The following FBXL7 variants were observed in gnomAD, a reference collection of about 807,000 sequenced individuals.
The protein encoded by FBXL7 is F-box and leucine rich repeat protein 7.
A neutral mutation model predicts 38.3 loss-of-function variants in FBXL7; 12 were observed. The observed-to-expected ratio is 0.31, with a 90% CI of 0.20 to 0.51. The LOEUF is 0.51. Ranked by LOEUF, FBXL7 falls within the 20% of genes least tolerant of loss-of-function variation. FBXL7 has a pLI of 0.98. For missense variants in FBXL7, 567 were observed against 676.4 expected (o/e 0.84, Z 1.79); for synonymous variants, 297 against 300.9 (o/e 0.99, Z 0.13).
intron 2 of FBXL7, among the ~76,000 whole-genome samples, chr5:15,885,139 C>G (rs540848041): frequency 6.6e-6 from 1 of 152,158 alleles, no homozygotes; most frequent in Non-Finnish European, 1.5e-5. Context: ...TCCACCTGAC[C>G]TCACTCACGC....
intron 2 of FBXL7, among the ~76,000 whole-genome samples, chr5:15,693,915 A>G (rs190768261): frequency 2.8e-4 from 43 of 152,270 alleles, no homozygotes; most frequent in African/African-American, 9.1e-4. Context: ...TCATTCTCCA[A>G]GCCCACGTGT....
intron 2 of FBXL7, among the ~76,000 whole-genome samples, chr5:15,768,172 A>AT (rs1205169067): frequency 6.6e-6 from 1 of 152,190 alleles, no homozygotes; most frequent in Non-Finnish European, 1.5e-5. Flanking sequence ...ATGTGTTTGG[A>AT]TACCCTACTA....
chr5:15,624,173 C>T (rs376378732), intron 2 of FBXL7, among the ~76,000 whole-genome samples: 5 of 152,128 alleles, frequency 3.3e-5, no homozygotes, highest in South Asian at 4.2e-4. Flanking sequence ...ACTTTAAATC[C>T]TTAGTTATTG....
At chr5:15,622,746 C>A (rs1470024424) in intron 2 of FBXL7, among the ~76,000 whole-genome samples, 1 of 152,148 alleles carries the variant, frequency 6.6e-6, no homozygotes. Flanking sequence ...ACTCTGTCAT[C>A]CAGGCTGAGG....
chr5:15,556,017 C>CTATCT (rs70938017), intron 1 of FBXL7, among the ~76,000 whole-genome samples: 2 of 136,420 alleles, frequency 1.5e-5, no homozygotes, highest in Admixed American at 7.5e-5. Flanking sequence ...ATCTATCTAT[C>CTATCT]ATCTATCAGT....
intron 1 of FBXL7, among the ~76,000 whole-genome samples, chr5:15,568,618 CT>C (rs1738666858): frequency 1.3e-5 from 2 of 151,592 alleles, no homozygotes; most frequent in Middle Eastern, 3.4e-3. Context: ...TCAATTTTGG[CT>C]TTTGTTGCCA....
chr5:15,523,203 G>C (rs939077320), intron 1 of FBXL7, among the ~76,000 whole-genome samples: 2 of 152,138 alleles, frequency 1.3e-5, no homozygotes, highest in African/African-American at 4.8e-5. Context: ...GAGTTTATTA[G>C]AGTAAAACAG....
chr5:15,797,472 A>G (rs187843837), intron 2 of FBXL7, among the ~76,000 whole-genome samples: 1 of 152,328 alleles, frequency 6.6e-6, no homozygotes, highest in African/African-American at 2.4e-5. Context: ...CCAGTTAGCA[A>G]TAGGATCTCC....
chr5:15,853,911 C>T (rs1739176418), intron 2 of FBXL7, among the ~76,000 whole-genome samples: 1 of 152,182 alleles, frequency 6.6e-6, no homozygotes, highest in African/African-American at 2.4e-5. Context: ...AATTGGCTAT[C>T]TTCTTGAATG....
chr5:15,652,085 A>G (rs1453499424), intron 2 of FBXL7, among the ~76,000 whole-genome samples: 3 of 152,092 alleles, frequency 2.0e-5, no homozygotes, highest in African/African-American at 2.4e-5. Flanking sequence ...ACTTCTCTCA[A>G]TCTTCATAGA....
At chr5:15,521,015 G>A (rs537339228) in intron 1 of FBXL7, among the ~76,000 whole-genome samples, 15 of 152,264 alleles carry the variant, frequency 9.9e-5, no homozygotes, top group South Asian at 2.1e-4. Flanking sequence ...GCAAAATCCC[G>A]TATGAGTTAC....
rs1234969186 is a variant in FBXL7, at chr5:15,554,953, A to T, written c.37+54240A>T. On this transcript the variant is annotated intron_variant, in intron 1 of 3. Coordinates refer to ENST00000504595, the MANE Select transcript of FBXL7 (RefSeq NM_012304.5). ...GAGAAAAAGTCAGAGTCACGCTGTG[A>T]AATATGTAAGTCCTTGGTGAAAATG... Among the ~76,000 whole-genome samples, 3 of 152,244 alleles carry T rather than the reference A, an allele frequency of 2.0e-5. No individual in the cohort carries two copies. The South Asian group carries it at 6.2e-4, about 32-fold the overall frequency.
intron 2 of FBXL7, among the ~76,000 whole-genome samples, chr5:15,743,692 G>T (rs148822239): frequency 6.6e-6 from 1 of 152,230 alleles, no homozygotes; most frequent in African/African-American, 2.4e-5. Context: ...CATTTTGTTG[G>T]TGGTCCAATC....
intron 1 of FBXL7, among the ~76,000 whole-genome samples, chr5:15,541,473 A>ATG: frequency 7.8e-6 from 1 of 128,346 alleles, no homozygotes; most frequent in Non-Finnish European, 1.7e-5. Flanking sequence ...ATATATATAT[A>ATG]TATATATAAA....
chr5:15,612,560 A>G (rs1402153832), intron 1 of FBXL7, among the ~76,000 whole-genome samples: 2 of 152,152 alleles, frequency 1.3e-5, no homozygotes, highest in Non-Finnish European at 2.9e-5. Flanking sequence ...GATAATCTTA[A>G]AAATAATGAA....
chr5:15,506,936 C>T (rs539239572), intron 1 of FBXL7, among the ~76,000 whole-genome samples: 4 of 150,144 alleles, frequency 2.7e-5, no homozygotes, highest in African/African-American at 4.9e-5. Flanking sequence ...TAACATTATC[C>T]GTCTTCTGTA....
intron 2 of FBXL7, among the ~76,000 whole-genome samples, chr5:15,700,938 T>C (rs1421708618): frequency 5.3e-5 from 8 of 152,174 alleles, no homozygotes; most frequent in Admixed American, 5.2e-4. Context: ...GTCGGGTACA[T>C]AAAATATTTT....
chr5:15,726,306 T>C (rs1049709748), intron 2 of FBXL7, among the ~76,000 whole-genome samples: 5 of 152,274 alleles, frequency 3.3e-5, no homozygotes, highest in Admixed American at 2.0e-4. Context: ...TTGTCCCAGC[T>C]ACTCAAGAGG....
At chr5:15,764,885 A>G (rs1736546122) in intron 2 of FBXL7, among the ~76,000 whole-genome samples, 1 of 152,256 alleles carries the variant, frequency 6.6e-6, no homozygotes, top group Non-Finnish European at 1.5e-5. Context: ...CAGATTGTAA[A>G]TATTTTAGTC....
Sources: allele counts gnomAD v4.1 joint callset (sites outside exome capture counted in the v4.1 genomes callset), GRCh38; gene constraint gnomAD v4.1.1; transcripts MANE v1.5; gene names NCBI Gene and HGNC (gene_info 2026-07-23, HGNC 2026-07-21).